MYOCD: variants seen among roughly 807,000 people sequenced by gnomAD.
The protein encoded by MYOCD is myocardin.
In MYOCD, 32 loss-of-function variants were observed where a neutral mutation model predicts 96.1. The ratio of observed to expected loss-of-function variants is 0.33; its 90% CI spans 0.25 to 0.45. The LOEUF is 0.45. Ranked by LOEUF, MYOCD falls within the 20% of genes least tolerant of loss-of-function variation. The pLI is 1.00. For synonymous variants in MYOCD, 469 were observed against 469.0 expected (o/e 1.00, Z 0.00); for missense variants, 1,133 against 1,200.6 (o/e 0.94, Z 0.83).
Position 12,753,048 on chromosome 17 carries a change from T to C in MYOCD, c.1760T>C (p.Val587Ala). The change falls in exon 10 of 14, where the codon GTG becomes GCG. Residue 587 changes from valine to alanine, a missense_variant. Physicochemically the swap from Val to Ala is moderately conservative, Grantham distance 64. Transcript: ENST00000425538. The stretch of plus-strand genomic sequence containing the variant: ...TGTCCTTTTGCATCCCAAGTACCTG[T>C]GAAAAGACAAAGCAGCAGCTCAGAG... ...SSCPFASQVP[V>A]KRQSSSSECH... is the part of the protein sequence containing the mutation. 6.2e-7 allele frequency: 1 copy of C among 1,614,106 alleles called. No homozygotes were observed.
chr17:12,695,699 A>T (rs2030710624), intron 1 of MYOCD, among the ~76,000 whole-genome samples: 1 of 152,150 alleles, frequency 6.6e-6, no homozygotes, highest in Non-Finnish European at 1.5e-5. Flanking sequence ...TAATTTTTTG[A>T]ATTGTGGTAT....
rs1013306611 is a variant in MYOCD, at chr17:12,767,078, A to AGGAG, written c.*3438_*3441dup. On this transcript the variant is annotated 3_prime_UTR_variant, in exon 14 of 14. Coordinates refer to ENST00000425538, the MANE Select transcript of MYOCD (RefSeq NM_001146312.3). Reference sequence around the variant, plus strand: ...AGGAAGGAAAGAAGAGAGGAAAGAAAGGAGGGAAGGAAAAAAGGGCCAAAC... The same window carrying AGGAG: ...AGGAAGGAAAGAAGAGAGGAAAGAAAGGAGGGAGGGAAGGAAAAAAGGGCCAAAC... The AGGAG allele has an allele frequency of 4.6e-5, 7 of 152,106 alleles. No individual in the cohort carries two copies. Among genetic ancestry groups the AGGAG allele is most frequent in the Admixed American group, 1.3e-4 (2 of 15,276 alleles). 9.4% of individuals were successfully genotyped at this position (152,106 alleles called of 1,614,324 possible).
intron 1 of MYOCD, among the ~76,000 whole-genome samples, chr17:12,688,999 A>C (rs928058675): frequency 6.6e-6 from 1 of 152,222 alleles, no homozygotes; most frequent in Non-Finnish European, 1.5e-5. Context: ...CCATGTGCAC[A>C]CACACAAACA....
At chr17:12,715,017 A>C (rs75324032) in intron 2 of MYOCD, among the ~76,000 whole-genome samples, 1 of 151,948 alleles carries the variant, frequency 6.6e-6, no homozygotes, top group Admixed American at 6.6e-5. Context: ...CAACACCCTT[A>C]GTTGCATGTT....
chr17:12,760,282 G>A (rs1430744148), intron 12 of MYOCD: 4 of 267,464 alleles, frequency 1.5e-5, no homozygotes, highest in Admixed American at 4.5e-5. Flanking sequence ...GCTTCTATGA[G>A]GGACTTAGAT....
chr17:12,740,663 C>T (rs1350734935), intron 7 of MYOCD, among the ~76,000 whole-genome samples: 1 of 152,178 alleles, frequency 6.6e-6, no homozygotes, highest in Non-Finnish European at 1.5e-5. Context: ...ACAGGCTGCT[C>T]TCTCTTCAGT....
intron 4 of MYOCD, chr17:12,720,371 T>G (rs1277209335): frequency 6.6e-6 from 1 of 152,118 alleles, no homozygotes; most frequent in Non-Finnish European, 1.5e-5. Flanking sequence ...TTTCTCTCTC[T>G]CTTCTTTTTC....
Position 12,753,228 on chromosome 17 carries a change from A to G in MYOCD, c.1940A>G (p.Gln647Arg). 6.2e-7 allele frequency: 1 copy of G among 1,614,146 alleles called. No individual in the cohort carries two copies. ...HSPLGAVKSP[Q>R]HISLPPSPNN... ...CCGCTGGGGGCTGTGAAAAGCCCACAGCACATCAGTTTGCCCCCATCACCC... is the reference window on the plus strand; with the variant it reads ...CCGCTGGGGGCTGTGAAAAGCCCACGGCACATCAGTTTGCCCCCATCACCC... Residue 647 changes from glutamine to arginine, a missense_variant, in exon 10 of 14, where the codon CAG becomes CGG. Coordinates refer to ENST00000425538, the MANE Select transcript of MYOCD (RefSeq NM_001146312.3).
chr17:12,682,723 T>C (rs1222638661), intron 1 of MYOCD, among the ~76,000 whole-genome samples: 1 of 152,180 alleles, frequency 6.6e-6, no homozygotes, highest in South Asian at 2.1e-4. Context: ...ATAACTGCCA[T>C]GTGCATTCTG....
At chr17:12,682,903 C>A (rs1910563570) in intron 1 of MYOCD, among the ~76,000 whole-genome samples, 1 of 152,174 alleles carries the variant, frequency 6.6e-6, no homozygotes, top group East Asian at 1.9e-4. Context: ...TATGGAACCT[C>A]TTTGTTTGCA....
At chr17:12,715,698 C>G (rs2031619162) in intron 3 of MYOCD, 124 bp downstream of exon 3, 2 of 650,098 alleles carry the variant, frequency 3.1e-6, no homozygotes, top group Non-Finnish European at 5.3e-6. Context: ...GTCCCCTGCC[C>G]TCATATCATG....
In MYOCD at chr17:12,767,399, G is replaced by C. The variant is rs541342043; in HGVS notation, c.*3755G>C. The C allele has an allele frequency of 6.6e-6, 1 of 152,250 alleles. No individual in the cohort carries two copies. Among genetic ancestry groups the C allele is most frequent in the East Asian group, 1.9e-4 (1 of 5,182 alleles). The allele number at this position is 152,250 out of a possible 1,614,324, so 9.4% of individuals were successfully genotyped here. On this transcript the variant is annotated 3_prime_UTR_variant, in exon 14 of 14. Transcript: ENST00000425538. ...TCAGCTCTTTTAGAAACAGATTCTG[G>C]TCTGGCTGAAAACTCCCACAACAAA...
chr17:12,731,740 A>T lies in MYOCD; in HGVS notation c.416-4421A>T, dbSNP rs7217796. ...ACTGGTAGAACCAAAAAGCAAACTC[A>T]AATGCGTCTGACTCCAGAACCCAGG... is the stretch of plus-strand genomic sequence containing the variant. On this transcript the variant is annotated intron_variant, in intron 5 of 13. Coordinates refer to ENST00000425538, the MANE Select transcript of MYOCD (RefSeq NM_001146312.3). Among the ~76,000 whole-genome samples the T allele has an allele frequency of 5.3e-3, 805 of 152,296 alleles. 13 individuals are homozygous for T. Among genetic ancestry groups the T allele is most frequent in the African/African-American group, 0.018 (768 of 41,580 alleles).
intron 5 of MYOCD, among the ~76,000 whole-genome samples, chr17:12,730,805 G>A (rs1371277334): frequency 6.6e-6 from 1 of 152,206 alleles, no homozygotes; most frequent in Non-Finnish European, 1.5e-5. Context: ...CCAGCTCACA[G>A]GTTGATAAGG....
intron 8 of MYOCD, among the ~76,000 whole-genome samples, chr17:12,744,748 G>A (rs911506413): frequency 2.0e-5 from 3 of 152,112 alleles, no homozygotes; most frequent in Non-Finnish European, 4.4e-5. Flanking sequence ...CTGTGATAAG[G>A]TTTCACTTAT....
At chr17:12,757,175 A>G (rs750904609) in intron 11 of MYOCD, among the ~76,000 whole-genome samples, 1 of 152,126 alleles carries the variant, frequency 6.6e-6, no homozygotes, top group Non-Finnish European at 1.5e-5. Context: ...GAAAAGGAAG[A>G]GATATCACCC....
intron 12 of MYOCD, among the ~76,000 whole-genome samples, chr17:12,758,795 T>A (rs1208424917): frequency 6.6e-6 from 1 of 152,208 alleles, no homozygotes; most frequent in African/African-American, 2.4e-5. Flanking sequence ...ACACCTGTAA[T>A]CCCAGCACTT....
In MYOCD at chr17:12,752,855, G is replaced by A; in HGVS notation, c.1567G>A (p.Glu523Lys). 6.2e-7 allele frequency: 1 copy of A among 1,614,136 alleles called. No individual in the cohort carries two copies. The highest frequency in any genetic ancestry group is 1.1e-5 in the South Asian group (1 of 91,062). ...CTCCGAGAAGGACAAGATGCTGGTG[G>A]AGAAGCAGAAGGTGATCAATGAACT... ...LDSEKDKMLVEKQKVINELTW... is the reference protein window; with the variant it reads ...LDSEKDKMLVKKQKVINELTW... The change falls in exon 10 of 14, where the codon GAG becomes AAG. Residue 523 changes from glutamate to lysine, a missense_variant. By Grantham distance (56) the Glu-to-Lys change is moderately conservative. Transcript: ENST00000425538.
intron 9 of MYOCD, among the ~76,000 whole-genome samples, chr17:12,747,035 AT>A (rs5819385): frequency 0.88 from 130,697 of 148,814 alleles, 57,824 homozygotes; most frequent in East Asian, 0.97. Flanking sequence ...GCCCCTACCA[AT>A]TTTTTTTTTT....
Sources: gnomAD v4.1 joint callset for allele counts (sites outside exome capture counted in the v4.1 genomes callset) on GRCh38, gnomAD v4.1.1 for gene constraint, MANE v1.5 for transcripts, NCBI Gene and HGNC (gene_info 2026-07-23, HGNC 2026-07-21) for gene names.